Variants in OTOGL observed in about 807,000 individuals in gnomAD.
The protein encoded by OTOGL is otogelin-like protein.
Under a neutral mutation model 318.5 loss-of-function variants are expected in OTOGL, and 285 were observed. That is an observed-to-expected ratio of 0.89 (90% CI 0.81 to 0.99). The LOEUF (loss-of-function observed/expected upper bound fraction) is 0.99, where lower values mean the gene tolerates loss of function less well. OTOGL is among the 50% of genes least tolerant of loss of function. OTOGL has a pLI of 0.00. For synonymous variants in OTOGL, 987 were observed against 936.5 expected (o/e 1.05, Z -0.99); for missense variants, 2,899 against 2,845.6 (o/e 1.02, Z -0.43).
chr12:80,141,875 A>C (rs1871968235), intron 1 of OTOGL, among the ~76,000 whole-genome samples: 1 of 152,168 alleles, frequency 6.6e-6, no homozygotes, highest in Non-Finnish European at 1.5e-5. Flanking sequence ...TTAGCAGCAG[A>C]ATTCGTTTTT....
chr12:80,103,998 G>T (rs1406488391), intron 1 of OTOGL, among the ~76,000 whole-genome samples: 1 of 152,152 alleles, frequency 6.6e-6, no homozygotes, highest in Non-Finnish European at 1.5e-5. Context: ...TCTTTTCCCT[G>T]TTGACTTAAT....
At position 80,278,294 on chromosome 12, in the gene OTOGL, T is replaced by C; in HGVS notation, c.2789+19T>C. 1 of 1,463,402 alleles carries C rather than the reference T, an allele frequency of 6.8e-7. No homozygotes were observed. The highest frequency in any genetic ancestry group is 1.4e-5 in the African/African-American group (1 of 71,012). 90.7% of individuals were successfully genotyped at this position (1,463,402 alleles called of 1,614,324 possible). A position where few individuals can be genotyped will look rare whatever the true frequency, so the allele number is the denominator to read the frequency against. On this transcript the variant is annotated intron_variant, in intron 25 of 58. Transcript: ENST00000547103. The stretch of plus-strand genomic sequence containing the variant: ...ACACCTGGTAAGGAGATCCATTTAT[T>C]TCACAAATATTTTCCTAAGTAATTG...
Position 80,368,269 on chromosome 12 carries a change from G to A in OTOGL, c.6575G>A (p.Cys2192Tyr), listed in dbSNP as rs1342667456. 1 of 1,601,042 alleles carries A rather than the reference G, an allele frequency of 6.2e-7. No homozygotes were observed. The highest frequency in any genetic ancestry group is 8.5e-7 in the Non-Finnish European group (1 of 1,172,516). Reference protein sequence around the residue: ...GCCGTCKNVSCKFHMENGTSV... With the variant: ...GCCGTCKNVSYKFHMENGTSV... Reference sequence around the variant, plus strand: ...TGTGGTACCTGCAAAAATGTATCCTGCAAATTTCACATGGAAAATGGAACA... The same window carrying A: ...TGTGGTACCTGCAAAAATGTATCCTACAAATTTCACATGGAAAATGGAACA... The change falls in exon 55 of 59, where the codon TGC (cysteine) becomes TAC (tyrosine). Residue 2192 changes from cysteine (C) to tyrosine (Y), a missense_variant. Transcript: ENST00000547103.
chr12:80,153,887 G>T (rs1189629929), intron 1 of OTOGL, among the ~76,000 whole-genome samples: 1 of 152,152 alleles, frequency 6.6e-6, no homozygotes, highest in Non-Finnish European at 1.5e-5. Context: ...TGTCTTGATA[G>T]ATCATTTCTT....
intron 1 of OTOGL, among the ~76,000 whole-genome samples, chr12:80,127,020 T>G (rs1373113756): frequency 1.3e-5 from 2 of 152,204 alleles, no homozygotes; most frequent in Non-Finnish European, 2.9e-5. Flanking sequence ...GTCTTTTAAT[T>G]GGAGCATTTA....
In OTOGL at chr12:80,290,027, G is replaced by A. The variant is rs535418814; in HGVS notation, c.2929-6800G>A. 2.6e-5 allele frequency among the ~76,000 whole-genome samples: 4 copies of A among 152,248 alleles called. No individual in the cohort carries two copies. The East Asian group carries it at 5.8e-4, about 22-fold the overall frequency. On this transcript the variant is annotated intron_variant, in intron 26 of 58. Transcript: ENST00000547103. ...GCTTGAAACCTGGGGCCCTGGTGTC[G>A]TAGGCACACAAGGGAATCTCCTGGT...
intron 7 of OTOGL, among the ~76,000 whole-genome samples, chr12:80,223,701 A>G (rs1239463109): frequency 1.3e-5 from 2 of 151,924 alleles, no homozygotes; most frequent in Admixed American, 6.6e-5. Flanking sequence ...TAATTTTTTC[A>G]TGTTTGTTGG....
At chr12:80,305,828 T>G in intron 29 of OTOGL, 133 bp downstream of exon 29, 2 of 748,274 alleles carry the variant, frequency 2.7e-6, no homozygotes, top group Non-Finnish European at 3.8e-6. Flanking sequence ...TGATAAACAT[T>G]CATATTTATC....
rs1456928436 is a variant in OTOGL, at chr12:80,358,783, A to G, written c.6226+8A>G. On this transcript the variant is annotated splice_region_variant and intron_variant, in intron 51 of 58. Coordinates refer to ENST00000547103, the MANE Select transcript of OTOGL (RefSeq NM_001378609.3). ...GCCCAACATGGCACTGTGGTAACTA[A>G]TTTTCATATTTTAAGGTTTCATTAT... 10 of 1,590,800 alleles carry G rather than the reference A, an allele frequency of 6.3e-6. No individual in the cohort carries two copies. Among genetic ancestry groups the G allele is most frequent in the Non-Finnish European group, 8.6e-6 (10 of 1,162,364 alleles).
chr12:80,107,726 A>G (rs1869539880), intron 1 of OTOGL, among the ~76,000 whole-genome samples: 1 of 152,180 alleles, frequency 6.6e-6, no homozygotes, highest in African/African-American at 2.4e-5. Flanking sequence ...TAGACTAGAT[A>G]AAGAAAATAT....
At position 80,352,345 on chromosome 12, in the gene OTOGL, T is replaced by C. The variant is rs1156276843; in HGVS notation, c.5316T>C (p.Phe1772=). 6.2e-7 allele frequency: 1 copy of C among 1,612,594 alleles called. No individual in the cohort carries two copies. Among genetic ancestry groups the C allele is most frequent in the Non-Finnish European group, 8.5e-7 (1 of 1,179,214 alleles). The change falls in exon 45 of 59, where the codon TTT becomes TTC. Residue 1772 remains phenylalanine (F), a synonymous_variant. Transcript: ENST00000547103. ...AGATGTGGATCAATTATACCTATTT[T>C]TGGAACTATGAATGTGATGCACTTT... is the stretch of plus-strand genomic sequence containing the variant. ...CEKMWINYTY[F]WNYECDALSA...
chr12:80,173,340 A>G (rs1874329968), intron 1 of OTOGL, among the ~76,000 whole-genome samples: 1 of 152,080 alleles, frequency 6.6e-6, no homozygotes, highest in African/African-American at 2.4e-5. Context: ...GTTTTCTGGG[A>G]AAAGGGTGGG....
intron 23 of OTOGL, among the ~76,000 whole-genome samples, chr12:80,270,994 A>C (rs1883365641): frequency 6.6e-6 from 1 of 152,156 alleles, no homozygotes; most frequent in Admixed American, 6.6e-5. Flanking sequence ...TTTGAATTAC[A>C]TGCCCTGAAT....
At chr12:80,362,192 T>G (rs1292404702) in intron 52 of OTOGL, among the ~76,000 whole-genome samples, 1 of 152,232 alleles carries the variant, frequency 6.6e-6, no homozygotes, top group Non-Finnish European at 1.5e-5. Flanking sequence ...ATAATTTGTC[T>G]GCATGCGGAA....
chr12:80,271,880 C>T, intron 24 of OTOGL, 70 bp downstream of exon 24: 1 of 1,489,546 alleles, frequency 6.7e-7, no homozygotes. Flanking sequence ...TGAAAACATT[C>T]TTTATAGAAA....
In OTOGL at chr12:80,377,192, G is replaced by A. The variant is rs1566026817; in HGVS notation, c.6851G>A (p.Ser2284Asn). 2 of 1,601,912 alleles carry A rather than the reference G, an allele frequency of 1.2e-6. No homozygotes were observed. The highest frequency in any genetic ancestry group is 8.5e-7 in the Non-Finnish European group (1 of 1,172,438). Residue 2284 changes from serine (S) to asparagine (N), a missense_variant, in exon 58 of 59, where the codon AGC becomes AAC. Ser to Asn is a conservative substitution (Grantham distance 46, BLOSUM62 1). Coordinates refer to ENST00000547103, the MANE Select transcript of OTOGL (RefSeq NM_001378609.3). ...GTCATAAGGAAACAGGACTGTATGA[G>A]CCAAAGCCCTGTAAGTGGAAAAATG... ...KSVIRKQDCM[S>N]QSPINVASCD...
intron 44 of OTOGL, among the ~76,000 whole-genome samples, chr12:80,342,633 TA>T (rs1323033869): frequency 6.6e-6 from 1 of 152,158 alleles, no homozygotes; most frequent in Non-Finnish European, 1.5e-5. Flanking sequence ...CTATATTGTT[TA>T]AAAAATCCAT....
intron 1 of OTOGL, among the ~76,000 whole-genome samples, chr12:80,165,056 A>G (rs1265845219): frequency 6.6e-6 from 1 of 152,142 alleles, no homozygotes; most frequent in African/African-American, 2.4e-5. Flanking sequence ...TGTTGAAATA[A>G]ATAAAATCAG....
intron 29 of OTOGL, among the ~76,000 whole-genome samples, chr12:80,305,979 T>G (rs2137754166): frequency 6.6e-6 from 1 of 152,296 alleles, no homozygotes; most frequent in East Asian, 1.9e-4. Flanking sequence ...ACATTCAAAT[T>G]CATCTCTTCA....
Sources: gnomAD v4.1 joint callset for allele counts (sites outside exome capture counted in the v4.1 genomes callset) on GRCh38, gnomAD v4.1.1 for gene constraint, MANE v1.5 for transcripts, NCBI Gene and HGNC (gene_info 2026-07-23, HGNC 2026-07-21) for gene names.